SEMA4D: variants seen among roughly 807,000 people sequenced by gnomAD.
SEMA4D encodes semaphorin 4D, also known as semaphorin-4D.
In SEMA4D, 22 loss-of-function variants were observed where a neutral mutation model predicts 74.8. The observed-to-expected ratio is 0.29, with a 90% confidence interval of 0.21 to 0.42. The LOEUF (loss-of-function observed/expected upper bound fraction) is 0.42. SEMA4D is among the 10% of genes least tolerant of loss of function. The probability of loss-of-function intolerance (pLI) is 1.00; values close to 1 mark genes in which losing one functional copy is unlikely to be tolerated. For missense variants in SEMA4D, 937 were observed against 1,118.4 expected, an observed-to-expected ratio of 0.84 and a Z score of 2.31; for synonymous variants, 445 against 463.7, an observed-to-expected ratio of 0.96 and a Z score of 0.52.
chr9:89,417,963 A>G, intron 2 of SEMA4D: 1 of 398,086 alleles, frequency 2.5e-6, no homozygotes, highest in Non-Finnish European at 3.4e-6. Flanking sequence ...CAAGGGACCA[A>G]GCAACCAACC....
intron 4 of SEMA4D, among the ~76,000 whole-genome samples, chr9:89,400,631 C>T (rs1243475675): frequency 2.6e-5 from 4 of 152,192 alleles, no homozygotes; most frequent in Admixed American, 1.3e-4. Flanking sequence ...GGAACAGAGT[C>T]TCATTTAAAA....
Position 89,386,401 on chromosome 9 carries a change from T to C in SEMA4D, c.1412A>G (p.Glu471Gly), listed in dbSNP as rs772201723. Residue 471 changes from glutamate to glycine, a missense_variant, in exon 13 of 16, where the codon GAG becomes GGG. Glu to Gly is a moderately conservative substitution (Grantham distance 98). Transcript: ENST00000422704. The stretch of plus-strand genomic sequence containing the variant: ...AGACAGCAGCAGGGTCTGGACTGGC[T>C]CAAAGTCCTGGAAGAGCTGGGTCTC... The part of the protein sequence containing the change: ...IEETQLFQDF[E>G]PVQTLLLSSK... The C allele has an allele frequency of 1.1e-5, 18 of 1,613,912 alleles. No homozygotes were observed. In the East Asian group the frequency reaches 3.8e-4, roughly 34 times the overall value.
chr9:89,450,660 G>GGAAAAAAAAAAAAAAAAA lies in SEMA4D; in HGVS notation c.-244+5227_-244+5228insTTTTTTTTTTTTTTTTTC, dbSNP rs1491451024. On this transcript the variant is annotated intron_variant, in intron 2 of 15. Transcript: ENST00000422704. Reference sequence around the variant, plus strand: ...GAGTTCTGCAAGTCGAAAAACCCAGGAAAAAAAAAAAAAAAAAAAAAAAAA... The same window carrying GGAAAAAAAAAAAAAAAAA: ...GAGTTCTGCAAGTCGAAAAACCCAGGGAAAAAAAAAAAAAAAAAAAAAAAAAAAAAAAAAAAAAAAAAA... 489 of 430,340 alleles carry GGAAAAAAAAAAAAAAAAA rather than the reference G, an allele frequency of 1.1e-3. 58 individuals are homozygous for GGAAAAAAAAAAAAAAAAA. Among genetic ancestry groups the GGAAAAAAAAAAAAAAAAA allele is most frequent in the Middle Eastern group, 1.5e-3 (2 of 1,362 alleles). 26.7% of individuals were successfully genotyped at this position (430,340 alleles called of 1,614,324 possible).
chr9:89,371,910 TGGTGTGTGG>T (rs1834979900), intron 16 of SEMA4D, among the ~76,000 whole-genome samples: 2 of 3,188 alleles, frequency 6.3e-4, no homozygotes, highest in African/African-American at 4.2e-3. Flanking sequence ...GGTATGTGTG[TGGTGTGTGG>T]GGTGTGGTGT....
intron 2 of SEMA4D, among the ~76,000 whole-genome samples, chr9:89,439,521 A>C (rs1425390817): frequency 6.6e-6 from 1 of 152,246 alleles, no homozygotes; most frequent in Admixed American, 6.5e-5. Context: ...CAAACTGGAA[A>C]GAAGCATTTC....
chr9:89,467,530 G>GTTTTT (rs1256771251), intron 1 of SEMA4D, among the ~76,000 whole-genome samples: 1 of 137,468 alleles, frequency 7.3e-6, no homozygotes, highest in Non-Finnish European at 1.6e-5. Context: ...GGGAGCGCAT[G>GTTTTT]ATTTTTTTTT....
downstream of SEMA4D, among the ~76,000 whole-genome samples, chr9:89,375,196 G>A (rs927248445): frequency 3.9e-5 from 6 of 152,216 alleles, no homozygotes; most frequent in African/African-American, 1.4e-4. Context: ...AGCTTCCTGA[G>A]TCTGCCTGAA....
chr9:89,478,235 G>A (rs1862253490), intron 1 of SEMA4D, among the ~76,000 whole-genome samples: 1 of 152,224 alleles, frequency 6.6e-6, no homozygotes, highest in African/African-American at 2.4e-5. Context: ...AAGAATCTCA[G>A]GATGAGATCT....
chr9:89,449,470 G>A (rs1587977929), intron 2 of SEMA4D: 1 of 693,934 alleles, frequency 1.4e-6, no homozygotes, highest in Non-Finnish European at 2.7e-6. Flanking sequence ...CTCGAGGATC[G>A]AGGGAGCTCT....
At chr9:89,385,604 A>G in intron 13 of SEMA4D, 1 of 981,108 alleles carries the variant, frequency 1.0e-6, no homozygotes, top group Non-Finnish European at 1.2e-6. Flanking sequence ...AGCAGAGGGG[A>G]GGTGACCACG....
intron 1 of SEMA4D, among the ~76,000 whole-genome samples, chr9:89,481,116 T>C (rs559914559): frequency 6.6e-6 from 1 of 151,960 alleles, no homozygotes; most frequent in Non-Finnish European, 1.5e-5. Flanking sequence ...CTCCGAGGGG[T>C]AGATGGCAGC....
chr9:89,449,929 C>T, intron 2 of SEMA4D: 1 of 1,471,442 alleles, frequency 6.8e-7, no homozygotes, highest in Admixed American at 1.7e-5. Flanking sequence ...GTAGCTCGTA[C>T]TTTTCTGACT....
chr9:89,364,074 C>CTAT (rs1833190210), intron 16 of SEMA4D: 1 of 1,578,070 alleles, frequency 6.3e-7, no homozygotes, highest in East Asian at 2.3e-5. Flanking sequence ...GGGACAACTT[C>CTAT]CAATTCAGTC....
Position 89,405,668 on chromosome 9 carries a change from C to T in SEMA4D, c.-212G>A. On this transcript the variant is annotated 5_prime_UTR_variant, in exon 3 of 16. The change creates a new upstream start codon in the 5' untranslated region. Coordinates refer to ENST00000422704, the MANE Select transcript of SEMA4D (RefSeq NM_001371194.2). ...CTCACCACCGCAATGTCAAAGCCCACTTGATACTTCTTCAGGGCCTCAGAA... is the reference window on the plus strand; with the variant it reads ...CTCACCACCGCAATGTCAAAGCCCATTTGATACTTCTTCAGGGCCTCAGAA... 1 of 1,413,432 alleles carries T rather than the reference C, an allele frequency of 7.1e-7. No individual in the cohort carries two copies. The highest frequency in any genetic ancestry group is 9.2e-7 in the Non-Finnish European group (1 of 1,087,554). 87.6% of individuals were successfully genotyped at this position (1,413,432 alleles called of 1,614,324 possible). A position where few individuals can be genotyped will look rare whatever the true frequency, so the allele number is the denominator to read the frequency against.
intron 1 of SEMA4D, among the ~76,000 whole-genome samples, chr9:89,493,221 T>A (rs1271376356): frequency 6.6e-6 from 1 of 152,174 alleles, no homozygotes; most frequent in Non-Finnish European, 1.5e-5. Context: ...ATGGCTCAGC[T>A]CCTTGTGGGC....
chr9:89,360,833 AAGAC>A (rs1327395227), exon 19 of SEMA4D: 1 of 152,234 alleles, frequency 6.6e-6, no homozygotes, highest in Admixed American at 6.5e-5. Flanking sequence ...AGAGCAAAGA[AAGAC>A]TCAGAAATTC....
At position 89,399,353 on chromosome 9, in the gene SEMA4D, T is replaced by C. The variant is rs1841692276; in HGVS notation, c.253-15A>G. 6.3e-7 allele frequency: 1 copy of C among 1,585,166 alleles called. No homozygotes were observed. The highest frequency in any genetic ancestry group is 1.7e-5 in the Admixed American group (1 of 59,946). The stretch of plus-strand genomic sequence containing the variant: ...TTCCAATACACCTGTTGGGATAGAG[T>C]CCATATCAGTGCATATTCTTTTAAA... On this transcript the variant is annotated splice_polypyrimidine_tract_variant and intron_variant, in intron 4 of 15. Coordinates refer to ENST00000422704, the MANE Select transcript of SEMA4D (RefSeq NM_001371194.2).
At chr9:89,363,730 G>A in intron 17 of SEMA4D, 1 of 1,610,168 alleles carries the variant, frequency 6.2e-7, no homozygotes, top group Non-Finnish European at 8.5e-7. Context: ...GTGGGCATGG[G>A]AATCACTTAC....
intron 1 of SEMA4D, among the ~76,000 whole-genome samples, chr9:89,483,022 G>A (rs1365824781): frequency 6.6e-6 from 1 of 152,188 alleles, no homozygotes; most frequent in East Asian, 1.9e-4. Flanking sequence ...TTGATTCCAG[G>A]TCCTGCAGCG....
Sources: gnomAD v4.1 joint callset for allele counts (sites outside exome capture counted in the v4.1 genomes callset) on GRCh38, gnomAD v4.1.1 for gene constraint, MANE v1.5 for transcripts, NCBI Gene and HGNC (gene_info 2026-07-23, HGNC 2026-07-21) for gene names.